The following ENTPD1 variants were observed in gnomAD, a reference collection of about 807,000 sequenced individuals.
ENTPD1 encodes ectonucleoside triphosphate diphosphohydrolase 1, also known as ATP diphosphohydrolase.
A neutral mutation model predicts 57.0 loss-of-function variants in ENTPD1; 33 were observed. The observed-to-expected ratio is 0.58, with a 90% CI of 0.44 to 0.77. ENTPD1 has a LOEUF of 0.77. Among genes scored for constraint, ENTPD1 ranks in the 30% least tolerant of loss-of-function variants. The pLI is 0.00. For missense variants in ENTPD1, 501 were observed against 603.4 expected, an observed-to-expected ratio of 0.83 and a Z score of 1.78; for synonymous variants, 202 against 218.8, an observed-to-expected ratio of 0.92 and a Z score of 0.68.
At chr10:95,839,477 T>G in intron 2 of ENTPD1, 1 of 599,112 alleles carries the variant, frequency 1.7e-6, no homozygotes, top group Non-Finnish European at 3.0e-6. Context: ...GGTCTGAATA[T>G]TTCTAACATG....
Position 95,736,747 on chromosome 10 carries a change from A to G in ENTPD1, c.37+24754A>G, listed in dbSNP as rs530919883. ...ACTGGAATGTGCTTCATTTATGCAC[A>G]TCGGGGGCCATAAGTGCCTTTGAAT... On this transcript the variant is annotated intron_variant, in intron 1 of 9. Transcript: ENST00000453258. Among the ~76,000 whole-genome samples the G allele has an allele frequency of 3.9e-5, 6 of 152,278 alleles. No homozygotes were observed. In the South Asian group the frequency reaches 1.2e-3, roughly 32 times the overall value.
At position 95,867,666 on chromosome 10, in the gene ENTPD1, C is replaced by T. The variant is rs1484107925; in HGVS notation, c.*1283C>T. On this transcript the variant is annotated 3_prime_UTR_variant, in exon 10 of 10. Coordinates refer to ENST00000371205, the MANE Select transcript of ENTPD1 (RefSeq NM_001776.6). The stretch of plus-strand genomic sequence containing the variant: ...ACCTTACCATGGAAACATGAAGAGA[C>T]CCTGCACCCCTTTCCTTAAGGATTG... The T allele has an allele frequency of 4.1e-6, 4 of 985,280 alleles. No individual in the cohort carries two copies. The African/African-American group carries it at 5.2e-5, about 13-fold the overall frequency. 61.0% of individuals were successfully genotyped at this position (985,280 alleles called of 1,614,324 possible). A position where few individuals can be genotyped will look rare whatever the true frequency, so the allele number is the denominator to read the frequency against.
At chr10:95,843,133 G>A (rs927690530) in intron 4 of ENTPD1, 1 of 152,248 alleles carries the variant, frequency 6.6e-6, no homozygotes, top group African/African-American at 2.4e-5. Context: ...AAATGAGTTG[G>A]AGGATCGGGG....
upstream of ENTPD1, among the ~76,000 whole-genome samples, chr10:95,711,175 T>C (rs2139804339): frequency 6.6e-6 from 1 of 152,340 alleles, no homozygotes; most frequent in Non-Finnish European, 1.5e-5. Flanking sequence ...CCAGCCTTTC[T>C]GTATAAAAAC....
At chr10:95,780,551 T>C (rs1316974367) in intron 1 of ENTPD1, among the ~76,000 whole-genome samples, 1 of 152,212 alleles carries the variant, frequency 6.6e-6, no homozygotes, top group Non-Finnish European at 1.5e-5. Flanking sequence ...TTTTTGTAAT[T>C]TTTTTCCCTT....
Position 95,718,667 on chromosome 10 carries a change from G to A in ENTPD1, c.37+6674G>A, listed in dbSNP as rs141664508. Among the ~76,000 whole-genome samples the A allele has an allele frequency of 6.4e-3, 969 of 152,214 alleles. 10 individuals carry two copies. The highest frequency in any genetic ancestry group is 0.022 in the African/African-American group (911 of 41,516). On this transcript the variant is annotated intron_variant, in intron 1 of 9. Transcript: ENST00000453258. Reference sequence around the variant, plus strand: ...TTTCCTTCTTCTAATTCTAGTGCCCGAGTGAGGGCTATTAGTTCTGCCAGC... The same window carrying A: ...TTTCCTTCTTCTAATTCTAGTGCCCAAGTGAGGGCTATTAGTTCTGCCAGC...
intron 1 of ENTPD1, among the ~76,000 whole-genome samples, chr10:95,778,482 T>G: frequency 1.0e-5 from 1 of 99,864 alleles, no homozygotes; most frequent in South Asian, 3.4e-4. Flanking sequence ...ACCTAAAAGA[T>G]TTTTTTCTTA....
At chr10:95,806,540 G>C (rs989496205) in intron 1 of ENTPD1, among the ~76,000 whole-genome samples, 1 of 152,236 alleles carries the variant, frequency 6.6e-6, no homozygotes, top group Admixed American at 6.5e-5. Flanking sequence ...CTGGCAAGGA[G>C]CTGCAATCCT....
chr10:95,766,361 G>C (rs1487743165), intron 1 of ENTPD1, among the ~76,000 whole-genome samples: 1 of 152,070 alleles, frequency 6.6e-6, no homozygotes, highest in Non-Finnish European at 1.5e-5. Context: ...TTGTTAATTG[G>C]TCAAACAATT....
intron 7 of ENTPD1, among the ~76,000 whole-genome samples, chr10:95,857,303 T>C (rs1483170271): frequency 6.6e-6 from 1 of 152,222 alleles, no homozygotes; most frequent in Non-Finnish European, 1.5e-5. Context: ...CTGTTTTTTA[T>C]AATTTGTACT....
intron 1 of ENTPD1, among the ~76,000 whole-genome samples, chr10:95,764,500 C>T (rs1370858674): frequency 6.6e-6 from 1 of 152,150 alleles, no homozygotes; most frequent in Non-Finnish European, 1.5e-5. Context: ...TTTACATTTC[C>T]ACCAGCAATA....
In ENTPD1 at chr10:95,872,203, T is replaced by A; in HGVS notation, c.*5820T>A. 1.0e-6 allele frequency: 1 copy of A among 985,512 alleles called. No homozygotes were observed. The highest frequency in any genetic ancestry group is 1.2e-6 in the Non-Finnish European group (1 of 829,948). 61.0% of individuals were successfully genotyped at this position (985,512 alleles called of 1,614,324 possible). On this transcript the variant is annotated 3_prime_UTR_variant, in exon 10 of 10. Coordinates refer to ENST00000371205, the MANE Select transcript of ENTPD1 (RefSeq NM_001776.6). ...TTCCAATCTGTTGCTGCTAGATTAATCTTTGCAAAGCACAGGCTTAATTTC... is the reference window on the plus strand; with the variant it reads ...TTCCAATCTGTTGCTGCTAGATTAAACTTTGCAAAGCACAGGCTTAATTTC...
At chr10:95,772,571 G>A (rs529952207) in intron 1 of ENTPD1, among the ~76,000 whole-genome samples, 86 of 152,140 alleles carry the variant, frequency 5.7e-4, no homozygotes, top group African/African-American at 1.9e-3. Context: ...ACATCTTCAG[G>A]CTCCACTACT....
At chr10:95,795,641 T>A (rs1240684934) in intron 1 of ENTPD1, among the ~76,000 whole-genome samples, 1 of 152,170 alleles carries the variant, frequency 6.6e-6, no homozygotes. Flanking sequence ...ATAAGTTACG[T>A]CTTTAAAATT....
intron 7 of ENTPD1, among the ~76,000 whole-genome samples, chr10:95,848,332 C>T (rs1408284941): frequency 1.3e-5 from 2 of 152,142 alleles, no homozygotes; most frequent in Admixed American, 1.3e-4. Context: ...TGATTGTCCA[C>T]CTTGATCTCA....
At chr10:95,822,447 C>T (rs1039596182) in intron 1 of ENTPD1, among the ~76,000 whole-genome samples, 3 of 152,066 alleles carry the variant, frequency 2.0e-5, no homozygotes, top group Non-Finnish European at 4.4e-5. Context: ...CAGGTGCCCA[C>T]CACCATGCCT....
chr10:95,852,582 T>G (rs868169284), intron 7 of ENTPD1, among the ~76,000 whole-genome samples: 26 of 152,350 alleles, frequency 1.7e-4, no homozygotes, highest in Middle Eastern at 6.8e-3. Context: ...TGTAAGTCTT[T>G]AATCCATCTT....
At chr10:95,768,333 T>G (rs2098099101) in intron 1 of ENTPD1, among the ~76,000 whole-genome samples, 1 of 152,186 alleles carries the variant, frequency 6.6e-6, no homozygotes, top group African/African-American at 2.4e-5. Flanking sequence ...AGATTTCTTC[T>G]GTCACAACTT....
At chr10:95,827,761 C>T (rs1016357663) in intron 2 of ENTPD1, among the ~76,000 whole-genome samples, 1 of 152,136 alleles carries the variant, frequency 6.6e-6, no homozygotes, top group Admixed American at 6.5e-5. Context: ...GGATTACAGG[C>T]ATGAGCCACC....
Sources: gnomAD v4.1 joint callset for allele counts (sites outside exome capture counted in the v4.1 genomes callset) on GRCh38, gnomAD v4.1.1 for gene constraint, MANE v1.5 for transcripts, NCBI Gene and HGNC (gene_info 2026-07-23, HGNC 2026-07-21) for gene names.